KCNIP1: variants seen among roughly 807,000 people sequenced by gnomAD.
KCNIP1 encodes potassium voltage-gated channel interacting protein 1, also known as A-type potassium channel modulatory protein KCNIP1.
In KCNIP1, 18 loss-of-function variants were observed where a neutral mutation model predicts 33.0. That is an observed-to-expected ratio of 0.55 (90% CI 0.38 to 0.81). KCNIP1 has a LOEUF of 0.81. KCNIP1 is among the 30% of genes least tolerant of loss of function. The pLI, the probability that KCNIP1 is intolerant of heterozygous loss-of-function variation, is 0.00. For missense variants in KCNIP1, 238 were observed against 271.6 expected (o/e 0.88, Z 0.87); for synonymous variants, 93 against 98.3 (o/e 0.95, Z 0.32).
At chr5:170,705,881 G>A (rs141954291) in intron 1 of KCNIP1, among the ~76,000 whole-genome samples, 60 of 152,202 alleles carry the variant, frequency 3.9e-4, no homozygotes, top group African/African-American at 1.4e-3. Context: ...CAAAATATAC[G>A]ACAAGATGGA....
At chr5:170,397,096 A>G (rs1754780375) in intron 1 of KCNIP1, among the ~76,000 whole-genome samples, 1 of 152,204 alleles carries the variant, frequency 6.6e-6, no homozygotes, top group South Asian at 2.1e-4. Context: ...TAATGCTGGT[A>G]AGTTGTGCCT....
At chr5:170,487,893 T>C (rs1231642354) in intron 1 of KCNIP1, among the ~76,000 whole-genome samples, 1 of 152,148 alleles carries the variant, frequency 6.6e-6, no homozygotes, top group Non-Finnish European at 1.5e-5. Flanking sequence ...ATAAACACAT[T>C]GGTCTGCATG....
At chr5:170,367,402 A>AAAGAAAGG (rs1491489424) in intron 1 of KCNIP1, among the ~76,000 whole-genome samples, 1 of 126,266 alleles carries the variant, frequency 7.9e-6, no homozygotes, top group Non-Finnish European at 1.7e-5. Context: ...AGAAAGAAAG[A>AAAGAAAGG]AAGAAAGAAA....
chr5:170,441,641 T>G (rs1446012201), intron 1 of KCNIP1, among the ~76,000 whole-genome samples: 1 of 152,066 alleles, frequency 6.6e-6, no homozygotes, highest in African/African-American at 2.4e-5. Flanking sequence ...ATCCCAGGGC[T>G]TGGCTTTTGA....
chr5:170,419,936 C>T (rs1373406192), intron 1 of KCNIP1, among the ~76,000 whole-genome samples: 1 of 152,220 alleles, frequency 6.6e-6, no homozygotes, highest in East Asian at 1.9e-4. Flanking sequence ...TACCAAAGGC[C>T]ATGCTCTTTT....
At chr5:170,545,416 A>T (rs943247276) in intron 1 of KCNIP1, among the ~76,000 whole-genome samples, 1 of 152,136 alleles carries the variant, frequency 6.6e-6, no homozygotes, top group South Asian at 2.1e-4. Flanking sequence ...GGTTTCTCTC[A>T]TCAATTTTCG....
At chr5:170,669,037 T>A (rs1761817133) in intron 1 of KCNIP1, among the ~76,000 whole-genome samples, 1 of 152,238 alleles carries the variant, frequency 6.6e-6, no homozygotes, top group African/African-American at 2.4e-5. Flanking sequence ...GCCCTCCTGC[T>A]TCTCTTTCTC....
chr5:170,396,874 G>A (rs970652083), intron 1 of KCNIP1, among the ~76,000 whole-genome samples: 2 of 152,148 alleles, frequency 1.3e-5, no homozygotes, highest in Admixed American at 1.3e-4. Context: ...GAAAGGGAAG[G>A]GGAGTCTCTG....
chr5:170,632,772 A>G (rs1028211449), intron 1 of KCNIP1, among the ~76,000 whole-genome samples: 9 of 152,196 alleles, frequency 5.9e-5, no homozygotes, highest in African/African-American at 2.2e-4. Flanking sequence ...TCTGCACTTA[A>G]CCAGCTGTGT....
intron 1 of KCNIP1, among the ~76,000 whole-genome samples, chr5:170,466,291 G>A (rs911258067): frequency 6.6e-6 from 1 of 152,174 alleles, no homozygotes; most frequent in African/African-American, 2.4e-5. Flanking sequence ...TGATTAGCAG[G>A]GGAGAGAGCA....
At position 170,718,769 on chromosome 5, in the gene KCNIP1, G is replaced by A. The variant is rs868827395; in HGVS notation, c.73G>A (p.Asp25Asn). ...TCCTCTGGTTCCAGATAAGATTGAAGATGAGCTGGAGATGACCATGGTTTG... is the reference window on the plus strand; with the variant it reads ...TCCTCTGGTTCCAGATAAGATTGAAAATGAGCTGGAGATGACCATGGTTTG... ...QRRPSKDKIE[D>N]ELEMTMVCHR... The change falls in exon 2 of 8, where the codon GAT (aspartate) becomes AAT (asparagine). Residue 25 changes from aspartate to asparagine, a missense_variant. By Grantham distance (23) the Asp-to-Asn change is conservative. Coordinates refer to ENST00000328939, the MANE Select transcript of KCNIP1 (RefSeq NM_014592.4). 1.2e-6 allele frequency: 2 copies of A among 1,613,564 alleles called. No individual in the cohort carries two copies. The highest frequency in any genetic ancestry group is 1.1e-5 in the South Asian group (1 of 91,006).
At chr5:170,390,517 A>AAAAAAAAAAAATATATATATATAT in intron 1 of KCNIP1, among the ~76,000 whole-genome samples, 10 of 74,540 alleles carry the variant, frequency 1.3e-4, no homozygotes, top group South Asian at 4.4e-4. Context: ...AAAAAAAACA[A>AAAAAAAAAAAATATATATATATAT]ATATATATAT....
intron 1 of KCNIP1, among the ~76,000 whole-genome samples, chr5:170,515,191 T>G (rs1755077281): frequency 6.6e-6 from 1 of 152,164 alleles, no homozygotes; most frequent in Non-Finnish European, 1.5e-5. Flanking sequence ...AAGCGCCTTA[T>G]GATTTGATAT....
At position 170,447,548 on chromosome 5, in the gene KCNIP1, C is replaced by T. The variant is rs999688641; in HGVS notation, c.88+93584C>T. On this transcript the variant is annotated intron_variant, in intron 1 of 7. Coordinates refer to the KCNIP1 transcript ENST00000377360. The stretch of plus-strand genomic sequence containing the variant: ...TTTGTGAAGGGGGTGGCACAAGGTG[C>T]GTGGCCTCTAGCTCCCAGGGGCAGC... Among the ~76,000 whole-genome samples the T allele has an allele frequency of 3.3e-5, 5 of 152,064 alleles. No homozygotes were observed. In the South Asian group the frequency reaches 8.3e-4, roughly 25 times the overall value.
chr5:170,720,102 G>A (rs190499495), intron 2 of KCNIP1, among the ~76,000 whole-genome samples: 1 of 152,230 alleles, frequency 6.6e-6, no homozygotes, highest in East Asian at 1.9e-4. Flanking sequence ...TGATCTTAAA[G>A]CCCCAAATCT....
At chr5:170,663,871 C>T (rs971830123) in intron 1 of KCNIP1, among the ~76,000 whole-genome samples, 3 of 151,856 alleles carry the variant, frequency 2.0e-5, no homozygotes, top group African/African-American at 7.3e-5. Flanking sequence ...TTCACTCCTG[C>T]CCCCTCCTCC....
At chr5:170,580,279 CT>C (rs1463810292) in intron 1 of KCNIP1, among the ~76,000 whole-genome samples, 1 of 152,196 alleles carries the variant, frequency 6.6e-6, no homozygotes, top group East Asian at 1.9e-4. Context: ...TTTCTTTAGA[CT>C]ACATTAACAG....
At chr5:170,726,546 C>T (rs1163710956) in intron 5 of KCNIP1, among the ~76,000 whole-genome samples, 3 of 152,032 alleles carry the variant, frequency 2.0e-5, no homozygotes, top group Non-Finnish European at 4.4e-5. Context: ...GGTACAAACA[C>T]GTTGGGAAAC....
At chr5:170,589,152 C>T (rs1232284327) in intron 1 of KCNIP1, among the ~76,000 whole-genome samples, 1 of 152,092 alleles carries the variant, frequency 6.6e-6, no homozygotes, top group Admixed American at 6.5e-5. Context: ...GTGCTGCCAC[C>T]ATACCTGGCT....
Sources: allele counts gnomAD v4.1 joint callset (sites outside exome capture counted in the v4.1 genomes callset), GRCh38; gene constraint gnomAD v4.1.1; transcripts MANE v1.5; gene names NCBI Gene and HGNC (gene_info 2026-07-23, HGNC 2026-07-21).